ZSWIM6: variants seen among roughly 807,000 people sequenced by gnomAD.
ZSWIM6 encodes zinc finger SWIM domain-containing protein 6.
In ZSWIM6, 9 loss-of-function variants were observed where a neutral mutation model predicts 113.2. The observed-to-expected ratio is 0.08, with a 90% CI of 0.05 to 0.14. The LOEUF is 0.14. Among genes scored for constraint, ZSWIM6 ranks in the 10% least tolerant of loss-of-function variants. The pLI, the probability that ZSWIM6 is intolerant of heterozygous loss-of-function variation, is 1.00. For synonymous variants in ZSWIM6, 611 were observed against 606.5 expected (o/e 1.01, Z -0.11); for missense variants, 1,162 against 1,552.2 (o/e 0.75, Z 4.22).
At position 61,332,683 on chromosome 5, in the gene ZSWIM6, C is replaced by A; in HGVS notation, c.411C>A (p.Pro137=). 9.3e-7 allele frequency: 1 copy of A among 1,077,838 alleles called. No homozygotes were observed. The highest frequency in any genetic ancestry group is 1.1e-6 in the Non-Finnish European group (1 of 872,690). 66.8% of individuals were successfully genotyped at this position (1,077,838 alleles called of 1,614,324 possible). A position where few individuals can be genotyped will look rare whatever the true frequency, so the allele number is the denominator to read the frequency against. Residue 137 remains proline, a synonymous_variant, in exon 1 of 14, where the codon CCC becomes CCA. Transcript: ENST00000252744. ...FNTGGGAAGG[P]GDDSGGGGGA... Reference sequence around the variant, plus strand: ...CCGGCGGCGGCGCCGCGGGCGGCCCCGGCGACGACAGCGGTGGCGGCGGCG... The same window carrying A: ...CCGGCGGCGGCGCCGCGGGCGGCCCAGGCGACGACAGCGGTGGCGGCGGCG...
chr5:61,494,100 A>G (rs889878805), intron 3 of ZSWIM6, among the ~76,000 whole-genome samples, 160 bp from the exon 4 acceptor site: 1 of 151,810 alleles, frequency 6.6e-6, no homozygotes, highest in Non-Finnish European at 1.5e-5. Flanking sequence ...TGAAGGCTTG[A>G]CATCTCCCCG....
At chr5:61,402,955 CAAAA>C (rs1745969245) in intron 1 of ZSWIM6, among the ~76,000 whole-genome samples, 1 of 152,082 alleles carries the variant, frequency 6.6e-6, no homozygotes, top group Non-Finnish European at 1.5e-5. Context: ...ACAAATCAAA[CAAAA>C]ATCTCTGCTC....
chr5:61,418,414 C>T (rs1272813970), intron 1 of ZSWIM6, among the ~76,000 whole-genome samples: 1 of 151,738 alleles, frequency 6.6e-6, no homozygotes, highest in Non-Finnish European at 1.5e-5. Context: ...ATTACAGGTG[C>T]CTGCCACCAC....
intron 1 of ZSWIM6, among the ~76,000 whole-genome samples, chr5:61,382,120 G>A (rs1745500223): frequency 6.6e-6 from 1 of 152,192 alleles, no homozygotes; most frequent in African/African-American, 2.4e-5. Context: ...TCATCTGATA[G>A]ACAAGTGTGG....
At chr5:61,513,421 A>T (rs1321650102) in intron 4 of ZSWIM6, among the ~76,000 whole-genome samples, 1 of 152,050 alleles carries the variant, frequency 6.6e-6, no homozygotes, top group Non-Finnish European at 1.5e-5. Context: ...CTAGTCTGTA[A>T]CTTGTTTTCT....
At chr5:61,455,829 C>T (rs937066930) in intron 1 of ZSWIM6, among the ~76,000 whole-genome samples, 15 of 148,324 alleles carry the variant, frequency 1.0e-4, no homozygotes, top group Non-Finnish European at 1.9e-4. Flanking sequence ...TCCCCCCGCC[C>T]CCGCCCCCAC....
intron 1 of ZSWIM6, among the ~76,000 whole-genome samples, chr5:61,434,068 A>C (rs1187682024): frequency 6.8e-6 from 1 of 147,344 alleles, no homozygotes; most frequent in East Asian, 1.9e-4. Flanking sequence ...CATATAATAA[A>C]ATATATGTAT....
rs577231528 is a variant in ZSWIM6 at position 61,472,321 on chromosome 5, A to G, written c.677-360A>G. Among the ~76,000 whole-genome samples, 15 of 152,226 alleles carry G rather than the reference A, an allele frequency of 9.9e-5. No individual in the cohort carries two copies. The South Asian group carries it at 3.1e-3, about 32-fold the overall frequency. The stretch of plus-strand genomic sequence containing the variant: ...GAAAAAAGAAGAAACCACTGATCCC[A>G]CTGATCTAGGGGATTATTGTGTTGT... On this transcript the variant is annotated intron_variant, in intron 1 of 13. Coordinates refer to ENST00000252744, the MANE Select transcript of ZSWIM6 (RefSeq NM_020928.2). The surrounding 1 kb of genome is among the most constrained non-coding windows in gnomAD (Gnocchi z 4.1).
chr5:61,468,763 A>T (rs1263823541), intron 1 of ZSWIM6, among the ~76,000 whole-genome samples: 1 of 152,218 alleles, frequency 6.6e-6, no homozygotes, highest in Non-Finnish European at 1.5e-5. Flanking sequence ...TTTAGGATCC[A>T]CAGAGAATGA....
intron 1 of ZSWIM6, among the ~76,000 whole-genome samples, chr5:61,358,743 G>A (rs1744971625): frequency 6.6e-6 from 1 of 152,228 alleles, no homozygotes; most frequent in South Asian, 2.1e-4. Flanking sequence ...CATTTCTTGA[G>A]TTCTGGTGGA....
At chr5:61,388,308 G>A (rs1264115459) in intron 1 of ZSWIM6, among the ~76,000 whole-genome samples, 1 of 152,014 alleles carries the variant, frequency 6.6e-6, no homozygotes, top group East Asian at 1.9e-4. Flanking sequence ...AATCAGTTGT[G>A]TGTTTGTAAA....
At chr5:61,406,852 A>G (rs58234049) in intron 1 of ZSWIM6, among the ~76,000 whole-genome samples, 21,455 of 152,004 alleles carry the variant, frequency 0.14, 1,620 homozygotes, top group Non-Finnish European at 0.17. Flanking sequence ...AGCTGGGATT[A>G]CAGGTGCCTG....
At chr5:61,463,443 A>G (rs1468932232) in intron 1 of ZSWIM6, among the ~76,000 whole-genome samples, 2 of 152,184 alleles carry the variant, frequency 1.3e-5, no homozygotes, top group Non-Finnish European at 2.9e-5. Context: ...TGGTTCTCAA[A>G]CTTTGGTCCC....
At chr5:61,341,873 C>CTTTTTTTTTTTT (rs35227918) in intron 1 of ZSWIM6, among the ~76,000 whole-genome samples, 1 of 94,704 alleles carries the variant, frequency 1.1e-5, no homozygotes, top group Non-Finnish European at 2.0e-5. Context: ...TCTCTGTAAC[C>CTTTTTTTTTTTT]TTTTTTTTTT....
chr5:61,379,412 A>G (rs1745434312), intron 1 of ZSWIM6, among the ~76,000 whole-genome samples: 1 of 152,020 alleles, frequency 6.6e-6, no homozygotes, highest in African/African-American at 2.4e-5. Context: ...TATTGTCTAA[A>G]CGATTGCACT....
rs1316738618 is a variant in ZSWIM6 at position 61,472,603 on chromosome 5, A to T, written c.677-78A>T. On this transcript the variant is annotated intron_variant, in intron 1 of 13. Coordinates refer to ENST00000252744, the MANE Select transcript of ZSWIM6 (RefSeq NM_020928.2). This position sits in a 1 kb window ranked among gnomAD's most constrained non-coding sequence, Gnocchi z 4.1. ...TTTTCTTGCTGCTGTCAAGTCCCAC[A>T]CATTTCAAAGAATTAGAGCATTTCA... 2.5e-6 allele frequency: 3 copies of T among 1,181,696 alleles called. No homozygotes were observed. Among genetic ancestry groups the T allele is most frequent in the Non-Finnish European group, 2.3e-6 (2 of 870,342 alleles). 73.2% of individuals were successfully genotyped at this position (1,181,696 alleles called of 1,614,324 possible).
rs374069242 is a variant in ZSWIM6 at position 61,441,828 on chromosome 5, C to G, written c.677-30853C>G. Among the ~76,000 whole-genome samples, 11 of 152,248 alleles carry G rather than the reference C, an allele frequency of 7.2e-5. No individual in the cohort carries two copies. In the South Asian group the frequency reaches 2.1e-3, roughly 29 times the overall value. ...AGAGGCAACATGGTATAGCAGAGTC[C>G]GATGAACTGCCACCTTACAGTGTTT... On this transcript the variant is annotated intron_variant, in intron 1 of 13. Transcript: ENST00000252744.
intron 1 of ZSWIM6, among the ~76,000 whole-genome samples, chr5:61,411,574 C>T (rs1255487095): frequency 2.6e-5 from 4 of 152,178 alleles, no homozygotes; most frequent in African/African-American, 9.7e-5. Context: ...TCCACTCAGG[C>T]TCCTATAACA....
chr5:61,466,719 G>C lies in ZSWIM6; in HGVS notation c.677-5962G>C, dbSNP rs149475792. On this transcript the variant is annotated intron_variant, in intron 1 of 13. Transcript: ENST00000252744. ...GTTTATAACAGTCTTTCAGTTAACTGAGTGCATATACATAATATGCACAAA... is the reference window on the plus strand; with the variant it reads ...GTTTATAACAGTCTTTCAGTTAACTCAGTGCATATACATAATATGCACAAA... Among the ~76,000 whole-genome samples, 641 of 152,024 alleles carry C rather than the reference G, an allele frequency of 4.2e-3. 7 individuals carry two copies. Among genetic ancestry groups the C allele is most frequent in the Middle Eastern group, 3.4e-3 (1 of 294 alleles).
Sources: allele counts gnomAD v4.1 joint callset (sites outside exome capture counted in the v4.1 genomes callset), GRCh38; gene constraint gnomAD v4.1.1; non-coding constraint Gnocchi (gnomAD v3.1); transcripts MANE v1.5; gene names NCBI Gene and HGNC (gene_info 2026-07-23, HGNC 2026-07-21).